The following CAMK1D variants were observed in gnomAD, a reference collection of about 807,000 sequenced individuals.
The protein encoded by CAMK1D is calcium/calmodulin dependent protein kinase ID.
Under a neutral mutation model 47.7 loss-of-function variants are expected in CAMK1D, and 9 were observed. The observed-to-expected ratio is 0.19, with a 90% CI of 0.11 to 0.33. The LOEUF (loss-of-function observed/expected upper bound fraction) is 0.33, where lower values mean the gene tolerates loss of function less well. Ranked by LOEUF, CAMK1D falls within the 10% of genes least tolerant of loss-of-function variation. CAMK1D has a pLI of 1.00. For synonymous variants in CAMK1D, 184 were observed against 184.9 expected, an observed-to-expected ratio of 0.99 and a Z score of 0.04; for missense variants, 291 against 488.7, an observed-to-expected ratio of 0.60 and a Z score of 3.81.
At chr10:12,716,792 C>T (rs1009841885) in intron 3 of CAMK1D, among the ~76,000 whole-genome samples, 5 of 152,158 alleles carry the variant, frequency 3.3e-5, no homozygotes, top group Non-Finnish European at 5.9e-5. Context: ...AGTGTGCATG[C>T]TTAGCGTGGT....
chr10:12,819,438 T>A (rs1349314409), intron 8 of CAMK1D, among the ~76,000 whole-genome samples: 2 of 152,224 alleles, frequency 1.3e-5, no homozygotes, highest in Non-Finnish European at 2.9e-5. Flanking sequence ...GGGCCTGGCC[T>A]GGCCTGCTCG....
chr10:12,663,231 G>A (rs1398517240), intron 2 of CAMK1D, among the ~76,000 whole-genome samples: 1 of 151,854 alleles, frequency 6.6e-6, no homozygotes, highest in Non-Finnish European at 1.5e-5. Flanking sequence ...AAAGTGCTGG[G>A]ATTACAGGCA....
intron 2 of CAMK1D, among the ~76,000 whole-genome samples, chr10:12,577,153 A>G (rs1837515024): frequency 6.6e-6 from 1 of 152,022 alleles, no homozygotes; most frequent in Non-Finnish European, 1.5e-5. Context: ...TCACCCATGT[A>G]TGCTGCAGTC....
intron 3 of CAMK1D, among the ~76,000 whole-genome samples, chr10:12,673,626 T>G (rs749063843): frequency 8.9e-4 from 135 of 152,356 alleles, no homozygotes; most frequent in Middle Eastern, 6.8e-3. Flanking sequence ...GGTAAAACTT[T>G]GATAGTTTAG....
intron 1 of CAMK1D, among the ~76,000 whole-genome samples, chr10:12,550,256 C>T (rs763621408): frequency 5.9e-5 from 9 of 152,194 alleles, no homozygotes; most frequent in South Asian, 2.1e-4. Context: ...ACTGAATGAA[C>T]GAATGAATGA....
Position 12,769,777 on chromosome 10 carries a change from C to G in CAMK1D, c.543C>G (p.Ala181=). 6.2e-7 allele frequency: 1 copy of G among 1,614,160 alleles called. No individual in the cohort carries two copies. Among genetic ancestry groups the G allele is most frequent in the Non-Finnish European group, 8.5e-7 (1 of 1,179,994 alleles). Residue 181 remains alanine, a synonymous_variant, in exon 5 of 11, where the codon GCC becomes GCG. Transcript: ENST00000619168. The part of the protein sequence containing the change: ...MEGKGDVMST[A]CGTPGYVAPE... ...GCAAAGGAGATGTGATGTCCACTGC[C>G]TGTGGAACTCCAGGCTATGTCGGTA...
chr10:12,508,786 G>A (rs550168539), intron 1 of CAMK1D, among the ~76,000 whole-genome samples: 4 of 152,260 alleles, frequency 2.6e-5, no homozygotes, highest in African/African-American at 9.6e-5. Flanking sequence ...GAGAGGGCTT[G>A]GGGGACCCAC....
At chr10:12,515,714 A>G (rs1262156707) in intron 1 of CAMK1D, among the ~76,000 whole-genome samples, 1 of 150,154 alleles carries the variant, frequency 6.7e-6, no homozygotes. Flanking sequence ...GGTTCACGCC[A>G]TTCTCCTGCC....
chr10:12,613,518 G>A (rs1267143501), intron 2 of CAMK1D, among the ~76,000 whole-genome samples: 1 of 152,162 alleles, frequency 6.6e-6, no homozygotes, highest in Non-Finnish European at 1.5e-5. Flanking sequence ...GTTGAGAGTC[G>A]GTATCTACCA....
At chr10:12,480,967 C>G (rs2132098362) in intron 1 of CAMK1D, among the ~76,000 whole-genome samples, 1 of 152,306 alleles carries the variant, frequency 6.6e-6, no homozygotes, top group Admixed American at 6.5e-5. Context: ...CTTGGTCATT[C>G]CTGGGCTTGG....
At chr10:12,673,593 T>C (rs1013430030) in intron 3 of CAMK1D, among the ~76,000 whole-genome samples, 2 of 152,234 alleles carry the variant, frequency 1.3e-5, no homozygotes, top group East Asian at 3.8e-4. Flanking sequence ...TAATTCTAGT[T>C]AGTCCCTGAA....
chr10:12,433,119 C>T (rs138879632), intron 1 of CAMK1D, among the ~76,000 whole-genome samples: 5 of 152,306 alleles, frequency 3.3e-5, no homozygotes, highest in African/African-American at 7.2e-5. Flanking sequence ...ACCAGGTGCT[C>T]GGTCAGGTTT....
chr10:12,541,814 C>T (rs192016036), intron 1 of CAMK1D, among the ~76,000 whole-genome samples: 1 of 148,218 alleles, frequency 6.7e-6, no homozygotes, highest in Non-Finnish European at 1.5e-5. Context: ...AGCCAAGTAC[C>T]ACTGACTTCA....
At chr10:12,619,409 G>T (rs1416283225) in intron 2 of CAMK1D, among the ~76,000 whole-genome samples, 1 of 151,864 alleles carries the variant, frequency 6.6e-6, no homozygotes, top group African/African-American at 2.4e-5. Flanking sequence ...TTCTGCCTCA[G>T]CCCGAGTAGC....
At chr10:12,744,331 G>GTATA (rs146757394) in intron 3 of CAMK1D, among the ~76,000 whole-genome samples, 1 of 151,970 alleles carries the variant, frequency 6.6e-6, no homozygotes, top group African/African-American at 2.4e-5. Flanking sequence ...GATCTCACAG[G>GTATA]TATATACCTA....
At chr10:12,697,379 G>A (rs74387009) in intron 3 of CAMK1D, among the ~76,000 whole-genome samples, 2,233 of 152,228 alleles carry the variant, frequency 0.015, 55 homozygotes, top group African/African-American at 0.051. Context: ...CAGCAGCGTC[G>A]CTAAGTATTT....
chr10:12,469,928 C>T (rs1833698452), intron 1 of CAMK1D, among the ~76,000 whole-genome samples: 1 of 152,086 alleles, frequency 6.6e-6, no homozygotes, highest in Non-Finnish European at 1.5e-5. Context: ...AAGTATCGAA[C>T]ACTTTATCAG....
At chr10:12,368,637 G>A (rs965877710) in intron 1 of CAMK1D, among the ~76,000 whole-genome samples, 1 of 151,642 alleles carries the variant, frequency 6.6e-6, no homozygotes, top group Non-Finnish European at 1.5e-5. Context: ...ATAATAGTAA[G>A]GACTGTAGGC....
intron 1 of CAMK1D, among the ~76,000 whole-genome samples, chr10:12,500,342 A>C (rs1403952864): frequency 2.0e-5 from 3 of 152,160 alleles, no homozygotes; most frequent in Non-Finnish European, 4.4e-5. Context: ...CCTGGGTCAG[A>C]ATTAGTCACT....
Sources: allele counts gnomAD v4.1 joint callset (sites outside exome capture counted in the v4.1 genomes callset), GRCh38; gene constraint gnomAD v4.1.1; transcripts MANE v1.5; gene names NCBI Gene and HGNC (gene_info 2026-07-23, HGNC 2026-07-21).